Variants in SNTG1 observed in about 807,000 individuals in gnomAD.
SNTG1 encodes gamma-1-syntrophin.
Under a neutral mutation model 74.7 loss-of-function variants are expected in SNTG1, and 39 were observed. That is an observed-to-expected ratio of 0.52 (90% CI 0.40 to 0.68). The LOEUF (loss-of-function observed/expected upper bound fraction) is 0.68, where lower values mean the gene tolerates loss of function less well. Among genes scored for constraint, SNTG1 ranks in the 30% least tolerant of loss-of-function variants. The pLI is 0.00. For synonymous variants in SNTG1, 254 were observed against 217.1 expected (o/e 1.17, Z -1.49); for missense variants, 685 against 609.5 (o/e 1.12, Z -1.30).
chr8:50,699,018 T>C (rs2095414490), intron 15 of SNTG1, among the ~76,000 whole-genome samples: 1 of 152,188 alleles, frequency 6.6e-6, no homozygotes, highest in Admixed American at 6.6e-5. Context: ...GTGTTCTCTC[T>C]TGGATAATAT....
intron 1 of SNTG1, among the ~76,000 whole-genome samples, chr8:49,995,514 T>A (rs1814121625): frequency 6.6e-6 from 1 of 152,188 alleles, no homozygotes; most frequent in African/African-American, 2.4e-5. Context: ...AGCACTGATG[T>A]GTGCATTTGT....
chr8:50,694,161 T>TC (rs1248057241), intron 15 of SNTG1, among the ~76,000 whole-genome samples: 3 of 151,486 alleles, frequency 2.0e-5, no homozygotes, highest in African/African-American at 7.3e-5. Flanking sequence ...TGAAGTTTTT[T>TC]TTTTTGAAAA....
At chr8:49,918,072 C>G (rs1806201409) in intron 1 of SNTG1, among the ~76,000 whole-genome samples, 1 of 152,100 alleles carries the variant, frequency 6.6e-6, no homozygotes, top group Admixed American at 6.6e-5. Flanking sequence ...AAACCCTAAA[C>G]TGAGATATTC....
chr8:50,691,992 A>T (rs2095382256), intron 15 of SNTG1, among the ~76,000 whole-genome samples: 1 of 151,860 alleles, frequency 6.6e-6, no homozygotes, highest in African/African-American at 2.4e-5. Context: ...ACTTCATTTC[A>T]TTCATTTCAT....
At chr8:50,538,373 T>C (rs1449415252) in intron 11 of SNTG1, among the ~76,000 whole-genome samples, 3 of 152,274 alleles carry the variant, frequency 2.0e-5, no homozygotes, top group East Asian at 3.9e-4. Context: ...ATTTCAAAGC[T>C]TCTTTTACCG....
chr8:50,105,193 A>T (rs576979833), intron 1 of SNTG1, among the ~76,000 whole-genome samples: 1 of 151,922 alleles, frequency 6.6e-6, no homozygotes. Context: ...GTCCCTCTTG[A>T]GTTGATTTAT....
At chr8:50,506,138 T>TTTGTTTAAAATAA (rs1437188561) in intron 9 of SNTG1, among the ~76,000 whole-genome samples, 1 of 152,102 alleles carries the variant, frequency 6.6e-6, no homozygotes, top group Non-Finnish European at 1.5e-5. Context: ...CCTTAACATG[T>TTTGTTTAAAATAA]TTGTTTAAAA....
intron 1 of SNTG1, among the ~76,000 whole-genome samples, chr8:50,130,321 G>A (rs2081278650): frequency 6.6e-6 from 1 of 152,052 alleles, no homozygotes; most frequent in East Asian, 1.9e-4. Context: ...GAGAGTGAGA[G>A]ACAACTATTT....
chr8:49,963,592 G>A (rs1002742267), intron 1 of SNTG1, among the ~76,000 whole-genome samples: 1 of 152,134 alleles, frequency 6.6e-6, no homozygotes, highest in Non-Finnish European at 1.5e-5. Flanking sequence ...GATCAAGCAA[G>A]CATTGCCCCT....
intron 2 of SNTG1, among the ~76,000 whole-genome samples, chr8:50,355,635 GT>G (rs2091796383): frequency 6.6e-6 from 1 of 152,168 alleles, no homozygotes; most frequent in Non-Finnish European, 1.5e-5. Flanking sequence ...TGAAGATGTT[GT>G]CTCAGTATCT....
chr8:50,226,312 T>A (rs2085325495), intron 2 of SNTG1, among the ~76,000 whole-genome samples: 1 of 152,152 alleles, frequency 6.6e-6, no homozygotes, highest in Admixed American at 6.5e-5. Context: ...CATAACACTA[T>A]GAGACAAGGA....
chr8:49,927,926 C>T (rs989798654), intron 1 of SNTG1, among the ~76,000 whole-genome samples: 9 of 151,660 alleles, frequency 5.9e-5, no homozygotes, highest in African/African-American at 2.2e-4. Flanking sequence ...ATCAGCCTAG[C>T]CAACATAGTA....
rs988720908 is a variant in SNTG1, at chr8:50,735,239, G to T, written c.1285-16762G>T. Among the ~76,000 whole-genome samples the T allele has an allele frequency of 4.6e-5, 7 of 151,670 alleles. No individual in the cohort carries two copies. The Admixed American group carries it at 4.6e-4, about 10-fold the overall frequency. On this transcript the variant is annotated intron_variant, in intron 17 of 18. Transcript: ENST00000642720. ...ATCTAAAGACACAGGTGGTTTAAAA[G>T]AGAATTGTTGAGAAAATATATTCCA...
At chr8:50,615,855 T>C (rs1324584960) in intron 13 of SNTG1, among the ~76,000 whole-genome samples, 2 of 152,250 alleles carry the variant, frequency 1.3e-5, no homozygotes, top group Non-Finnish European at 2.9e-5. Flanking sequence ...TTTGTCAGTG[T>C]TCTCCAGAGA....
In SNTG1 at chr8:50,127,948, G is replaced by C. The variant is rs146545570; in HGVS notation, c.-102-44613G>C. ...ATATCACTTCTGTATTCAATAGGTG[G>C]CTTTTAAATGTATGTATATCGTTAT... On this transcript the variant is annotated intron_variant, in intron 1 of 18. Coordinates refer to ENST00000642720, the MANE Select transcript of SNTG1 (RefSeq NM_018967.5). 6.6e-5 allele frequency among the ~76,000 whole-genome samples: 10 copies of C among 152,160 alleles called. No homozygotes were observed. The East Asian group carries it at 1.9e-3, about 29-fold the overall frequency.
intron 1 of SNTG1, among the ~76,000 whole-genome samples, chr8:49,935,546 G>GA (rs1038242004): frequency 1.4e-4 from 20 of 144,644 alleles, no homozygotes; most frequent in East Asian, 2.0e-4. Context: ...AAAAGAAAAA[G>GA]AAAAAAAAAT....
intron 14 of SNTG1, among the ~76,000 whole-genome samples, chr8:50,657,716 C>T (rs375618860): frequency 6.6e-6 from 1 of 151,998 alleles, no homozygotes; most frequent in Non-Finnish European, 1.5e-5. Flanking sequence ...ACAAGTCGAA[C>T]TTGCTTATTT....
At chr8:50,565,517 A>G (rs913205537) in intron 12 of SNTG1, among the ~76,000 whole-genome samples, 2 of 152,196 alleles carry the variant, frequency 1.3e-5, no homozygotes, top group African/African-American at 2.4e-5. Context: ...ATATTCATAT[A>G]TATGTATAAT....
In SNTG1 at chr8:50,095,944, A is replaced by G. The variant is rs113591536; in HGVS notation, c.-102-76617A>G. 7.4e-5 allele frequency among the ~76,000 whole-genome samples: 11 copies of G among 148,854 alleles called. 1 individual carries two copies. Among genetic ancestry groups the G allele is most frequent in the African/African-American group, 2.5e-4 (10 of 40,062 alleles). On this transcript the variant is annotated intron_variant, in intron 1 of 18. Coordinates refer to ENST00000642720, the MANE Select transcript of SNTG1 (RefSeq NM_018967.5). The stretch of plus-strand genomic sequence containing the variant: ...ATTTTGAAATGTGAAAATTATCAGA[A>G]CATTTTAAATTATTATCTTAATTAT...
Sources: allele counts gnomAD v4.1 joint callset (sites outside exome capture counted in the v4.1 genomes callset), GRCh38; gene constraint gnomAD v4.1.1; transcripts MANE v1.5; gene names NCBI Gene and HGNC (gene_info 2026-07-23, HGNC 2026-07-21).